TRPM8: variants seen among roughly 807,000 people sequenced by gnomAD.
TRPM8 encodes the protein TRPM8 cationic channel.
Under a neutral mutation model 133.7 loss-of-function variants are expected in TRPM8, and 110 were observed. That is an observed-to-expected ratio of 0.82 (90% CI 0.70 to 0.96). The LOEUF is 0.96. Ranked by LOEUF, TRPM8 falls within the 40% of genes least tolerant of loss-of-function variation. The pLI, the probability that TRPM8 is intolerant of heterozygous loss-of-function variation, is 0.00. For synonymous variants in TRPM8, 535 were observed against 532.3 expected (o/e 1.01, Z -0.07); for missense variants, 1,291 against 1,379.5 (o/e 0.94, Z 1.02).
At chr2:234,007,235 A>G (rs898513517) in intron 23 of TRPM8, among the ~76,000 whole-genome samples, 3 of 152,220 alleles carry the variant, frequency 2.0e-5, no homozygotes, top group African/African-American at 4.8e-5. Context: ...GGAACTAGGT[A>G]ACAAGAGGGT....
chr2:233,942,448 C>G (rs546837830), intron 5 of TRPM8, 128 bp from the exon 6 acceptor site: 1 of 874,836 alleles, frequency 1.1e-6, no homozygotes, highest in Non-Finnish European at 1.9e-6. Context: ...CCTTGCCATA[C>G]GACATAGCTG....
At chr2:233,984,506 CT>C (rs1206547735) in intron 20 of TRPM8, among the ~76,000 whole-genome samples, 7 of 152,212 alleles carry the variant, frequency 4.6e-5, no homozygotes, top group Non-Finnish European at 5.9e-5. Context: ...TCCTTAACAC[CT>C]TCTCAGATTT....
chr2:233,927,554 A>C (rs1009813211), intron 2 of TRPM8, among the ~76,000 whole-genome samples: 1 of 152,008 alleles, frequency 6.6e-6, no homozygotes, highest in Non-Finnish European at 1.5e-5. Flanking sequence ...TGGCCACAGG[A>C]GAAGCAAACA....
chr2:233,938,871 T>A lies in TRPM8; in HGVS notation c.349-127T>A. The A allele has an allele frequency of 1.0e-5, 11 of 1,049,578 alleles. No homozygotes were observed. In the East Asian group the frequency reaches 1.5e-4, roughly 14 times the overall value. 65.0% of individuals were successfully genotyped at this position (1,049,578 alleles called of 1,614,324 possible). A position where few individuals can be genotyped will look rare whatever the true frequency, so the allele number is the denominator to read the frequency against. On this transcript the variant is annotated intron_variant, in intron 4 of 25. Transcript: ENST00000324695. ...CTGGGACCCCCAATGCCGCGATCCC[T>A]GCTGCCCCCACCCCGCCCCTCTTCT...
rs540127153 is a variant in TRPM8 at position 233,985,955 on chromosome 2, C to T, written c.2939+90C>T. On this transcript the variant is annotated intron_variant, in intron 21 of 25. Coordinates refer to ENST00000324695, the MANE Select transcript of TRPM8 (RefSeq NM_024080.5). ...TGCTGGGAGCATCGCAAAGGTCCCA[C>T]CCTTGAGGAACATACTTTAGAGATC... 4.0e-6 allele frequency: 5 copies of T among 1,236,014 alleles called. No homozygotes were observed. The African/African-American group carries it at 4.5e-5, about 11-fold the overall frequency. The allele number at this position is 1,236,014 out of a possible 1,614,324, so 76.6% of individuals were successfully genotyped here.
intron 2 of TRPM8, among the ~76,000 whole-genome samples, chr2:233,927,746 CTTT>C (rs1691553886): frequency 1.6e-5 from 1 of 64,108 alleles, no homozygotes; most frequent in Admixed American, 1.7e-4. Context: ...TTCTTTCTTT[CTTT>C]CTTTCTTTCT....
intron 3 of TRPM8, among the ~76,000 whole-genome samples, chr2:233,934,585 A>C (rs981923824): frequency 7.2e-5 from 11 of 152,160 alleles, no homozygotes; most frequent in African/African-American, 2.4e-4. Context: ...TATCTCCAGC[A>C]GCATCCCCAA....
At position 233,937,323 on chromosome 2, in the gene TRPM8, C is replaced by T. The variant is rs750971489; in HGVS notation, c.192-30C>T. 8.7e-6 allele frequency: 14 copies of T among 1,610,002 alleles called. No individual in the cohort carries two copies. The Admixed American group carries it at 2.0e-4, about 23-fold the overall frequency. ...CATAAGCAGGCTCAATGAAATCCTT[C>T]CTTCCTGTCCACACCATCGTGCTTA... On this transcript the variant is annotated intron_variant, in intron 3 of 25. Coordinates refer to ENST00000324695, the MANE Select transcript of TRPM8 (RefSeq NM_024080.5).
chr2:233,941,291 A>T (rs1690899684), intron 5 of TRPM8, among the ~76,000 whole-genome samples: 1 of 152,230 alleles, frequency 6.6e-6, no homozygotes, highest in Non-Finnish European at 1.5e-5. Context: ...AGGCAGGTGA[A>T]GTTTGGCAGG....
chr2:233,978,344 C>A (rs1000949755), intron 17 of TRPM8, among the ~76,000 whole-genome samples: 8 of 151,964 alleles, frequency 5.3e-5, no homozygotes, highest in African/African-American at 1.9e-4. Context: ...ACTGCTGTGT[C>A]TCTTTCTGCT....
chr2:233,970,277 G>T lies in TRPM8; in HGVS notation c.2206G>T (p.Val736Leu). The T allele has an allele frequency of 6.2e-7, 1 of 1,614,128 alleles. No homozygotes were observed. Among genetic ancestry groups the T allele is most frequent in the South Asian group, 1.1e-5 (1 of 91,072 alleles). The change falls in exon 17 of 26, where the codon GTG (valine) becomes TTG (leucine). Residue 736 changes from valine to leucine, a missense_variant. By Grantham distance (32) the Val-to-Leu change is conservative. Around this residue, in one of 2 missense-constraint regions of TRPM8, gnomAD observed 963 missense variants for 968.9 expected, o/e 0.99. Transcript: ENST00000324695. ...TGTGGCGTTCTTCACCTCCCCCTTC[G>T]TGGTCTTCTCCTGGAATGTGGTCTT... is the stretch of plus-strand genomic sequence containing the variant. ...YYVAFFTSPFVVFSWNVVFYI... is the reference protein window; with the variant it reads ...YYVAFFTSPFLVFSWNVVFYI...
chr2:233,934,316 T>C (rs1270549262), intron 3 of TRPM8, among the ~76,000 whole-genome samples: 1 of 152,190 alleles, frequency 6.6e-6, no homozygotes, highest in Non-Finnish European at 1.5e-5. Context: ...GTGCCTGATC[T>C]TCCATGTCAC....
intron 17 of TRPM8, among the ~76,000 whole-genome samples, chr2:233,979,960 CTT>C (rs1440266599): frequency 6.6e-6 from 1 of 152,208 alleles, no homozygotes; most frequent in Non-Finnish European, 1.5e-5. Context: ...TTTTTCCTGA[CTT>C]TGCCAGCAGA....
At chr2:233,971,422 A>G (rs531561094) in intron 17 of TRPM8, among the ~76,000 whole-genome samples, 9 of 152,278 alleles carry the variant, frequency 5.9e-5, no homozygotes, top group African/African-American at 2.2e-4. Context: ...TTGATCGATT[A>G]GTGATGTCTG....
In TRPM8 at chr2:234,015,151, T is replaced by A. The variant is rs868435438; in HGVS notation, c.*42+497T>A. Among the ~76,000 whole-genome samples the A allele has an allele frequency of 2.6e-5, 4 of 152,282 alleles. No individual in the cohort carries two copies. In the Middle Eastern group the frequency reaches 0.01, roughly 388 times the overall value. ...AAATGTTTTGGTGAGGCATTCAAGGTTTTTAACAATAGCTCTTTTGCACAA... is the reference window on the plus strand; with the variant it reads ...AAATGTTTTGGTGAGGCATTCAAGGATTTTAACAATAGCTCTTTTGCACAA... On this transcript the variant is annotated intron_variant, in intron 25 of 25. Coordinates refer to ENST00000324695, the MANE Select transcript of TRPM8 (RefSeq NM_024080.5).
intron 7 of TRPM8, 80 bp from the exon 8 acceptor site, chr2:233,947,008 G>A: frequency 7.7e-7 from 1 of 1,305,864 alleles, no homozygotes; most frequent in Non-Finnish European, 1.1e-6. Context: ...CAGGGCAGAA[G>A]CTCTTGGTCC....
chr2:233,933,300 A>T (rs952741157), intron 3 of TRPM8, among the ~76,000 whole-genome samples: 4 of 152,204 alleles, frequency 2.6e-5, no homozygotes, highest in Non-Finnish European at 4.4e-5. Context: ...CTGGCTATTG[A>T]TCATTTGAAA....
rs13004520 is a variant in TRPM8, at chr2:233,945,896, G to C, written c.740G>C (p.Arg247Thr). Residue 247 changes from arginine to threonine, a missense_variant, in exon 7 of 26, where the codon AGA (arginine) becomes ACA (threonine). Coordinates refer to ENST00000324695, the MANE Select transcript of TRPM8 (RefSeq NM_024080.5). The stretch of plus-strand genomic sequence containing the variant: ...CAGTACCTTATGGATGACTTCACAA[G>C]AGATCCACTGTATATCCTGGACAAC... ...LAQYLMDDFT[R>T]DPLYILDNNH... 0.046 allele frequency: 74,633 copies of C among 1,613,728 alleles called. 1,977 individuals are homozygous for C. Among genetic ancestry groups the C allele is most frequent in the Admixed American group, 0.091 (5,455 of 60,024 alleles).
chr2:233,926,395 G>C (rs527714478), intron 1 of TRPM8, 138 bp from the exon 2 acceptor site: 2 of 683,752 alleles, frequency 2.9e-6, no homozygotes, highest in South Asian at 3.4e-5. Flanking sequence ...CAATGACCAT[G>C]GTGGGCCGAA....
Sources: gnomAD v4.1 joint callset for allele counts (sites outside exome capture counted in the v4.1 genomes callset) on GRCh38, gnomAD v4.1.1 for gene constraint, gnomAD v4.1.1 regional missense constraint, MANE v1.5 for transcripts, NCBI Gene and HGNC (gene_info 2026-07-23, HGNC 2026-07-21) for gene names.